The following ELP4 variants were observed in gnomAD, a reference collection of about 807,000 sequenced individuals.
ELP4 encodes the protein elongator acetyltransferase complex subunit 4.
In ELP4, 51 loss-of-function variants were observed where a neutral mutation model predicts 48.9. That is an observed-to-expected ratio of 1.04 (90% CI 0.83 to 1.32). ELP4 has a LOEUF of 1.32. Ranked by LOEUF, ELP4 falls within the 40% of genes most tolerant of loss-of-function variation. The pLI is 0.00. For synonymous variants in ELP4, 210 were observed against 189.2 expected, an observed-to-expected ratio of 1.11 and a Z score of -0.90; for missense variants, 519 against 514.6, an observed-to-expected ratio of 1.01 and a Z score of -0.08.
At chr11:31,710,588 G>A (rs897857892) in intron 9 of ELP4, among the ~76,000 whole-genome samples, 7 of 150,444 alleles carry the variant, frequency 4.7e-5, no homozygotes, top group Non-Finnish European at 8.8e-5. Flanking sequence ...TCGTGCCACT[G>A]CACTCTGGCC....
At position 31,788,615 on chromosome 11, in the gene ELP4, A is replaced by C. The variant is rs940334280; in HGVS notation, c.*5091A>C. ...TGAAAATGCCAGTCCTAATTCAAAAAACAATTCCTAGCTAATCGCTTGTTG... is the reference window on the plus strand; with the variant it reads ...TGAAAATGCCAGTCCTAATTCAAAACACAATTCCTAGCTAATCGCTTGTTG... On this transcript the variant is annotated 3_prime_UTR_variant, in exon 10 of 10. Coordinates refer to ENST00000640961, the MANE Select transcript of ELP4 (RefSeq NM_019040.5). 4.5e-6 allele frequency: 1 copy of C among 219,918 alleles called. No individual in the cohort carries two copies. Among genetic ancestry groups the C allele is most frequent in the South Asian group, 1.8e-4 (1 of 5,406 alleles). 13.6% of individuals were successfully genotyped at this position (219,918 alleles called of 1,614,324 possible).
intron 3 of ELP4, among the ~76,000 whole-genome samples, chr11:31,569,525 T>G (rs147885404): frequency 0.038 from 5,744 of 151,932 alleles, 171 homozygotes; most frequent in Non-Finnish European, 0.061. Context: ...CCGAGGTGAG[T>G]GGATTACCTG....
chr11:31,525,093 A>G (rs1207519613), intron 2 of ELP4, among the ~76,000 whole-genome samples: 2 of 152,230 alleles, frequency 1.3e-5, no homozygotes, highest in African/African-American at 4.8e-5. Flanking sequence ...TCATGTGCAC[A>G]TTGTCTACAG....
intron 3 of ELP4, among the ~76,000 whole-genome samples, chr11:31,540,382 T>G (rs1238508566): frequency 6.6e-6 from 1 of 152,224 alleles, no homozygotes; most frequent in Non-Finnish European, 1.5e-5. Flanking sequence ...AATTGGCTGA[T>G]AAGAATTTTA....
At chr11:31,743,692 C>A (rs1303045818) in intron 9 of ELP4, among the ~76,000 whole-genome samples, 7 of 152,022 alleles carry the variant, frequency 4.6e-5, no homozygotes, top group African/African-American at 1.7e-4. Flanking sequence ...ATGTTCTTTG[C>A]AACCAACGAG....
At chr11:31,640,130 A>C (rs560748718) in intron 7 of ELP4, among the ~76,000 whole-genome samples, 1 of 152,094 alleles carries the variant, frequency 6.6e-6, no homozygotes, top group Admixed American at 6.6e-5. Context: ...TTCAAGCTAC[A>C]TGAATATGGT....
intron 4 of ELP4, chr11:31,599,886 G>C (rs1404150544): frequency 2.0e-5 from 3 of 152,106 alleles, no homozygotes; most frequent in Non-Finnish European, 4.4e-5. Flanking sequence ...ATATCACTGG[G>C]TTTTCTGAGA....
intron 9 of ELP4, among the ~76,000 whole-genome samples, chr11:31,781,488 CTTTTTTTTTTTTTTTTTTTT>C (rs141365629): frequency 3.0e-5 from 2 of 67,414 alleles, no homozygotes; most frequent in African/African-American, 7.0e-5. Flanking sequence ...ATTCCTGAGC[CTTTTTTTTTTTTTTTTTTTT>C]TTTTTTTTTT....
chr11:31,548,378 AT>A (rs1240674276), intron 3 of ELP4, among the ~76,000 whole-genome samples: 111 of 151,210 alleles, frequency 7.3e-4, no homozygotes, highest in Non-Finnish European at 1.2e-3. Flanking sequence ...GTGAACTCCC[AT>A]TCACAATTGC....
At chr11:31,635,694 C>A (rs1944960230) in intron 7 of ELP4, among the ~76,000 whole-genome samples, 1 of 151,948 alleles carries the variant, frequency 6.6e-6, no homozygotes, top group Non-Finnish European at 1.5e-5. Flanking sequence ...ATAACATGTA[C>A]TTAAACAGTG....
chr11:31,752,256 C>G (rs185428873), intron 9 of ELP4, among the ~76,000 whole-genome samples: 247 of 149,858 alleles, frequency 1.6e-3, no homozygotes, highest in Non-Finnish European at 3.1e-3. Context: ...CTTGATATAA[C>G]TTAGCACTTG....
chr11:31,683,686 G>A (rs772521780), intron 9 of ELP4, among the ~76,000 whole-genome samples: 4 of 152,078 alleles, frequency 2.6e-5, no homozygotes, highest in African/African-American at 4.8e-5. Context: ...CTACTGTATA[G>A]GGGGTACTAG....
chr11:31,769,522 C>T lies in ELP4; in HGVS notation c.1144-13871C>T, dbSNP rs537538399. Among the ~76,000 whole-genome samples, 3 of 152,318 alleles carry T rather than the reference C, an allele frequency of 2.0e-5. No individual in the cohort carries two copies. The South Asian group carries it at 6.2e-4, about 32-fold the overall frequency. On this transcript the variant is annotated intron_variant, in intron 9 of 9. Transcript: ENST00000640961. ...GATTTCAAAATTCTCTGATTCCTGA[C>T]TTTTCACATCTTAGAATTTCTCTAT...
At chr11:31,575,463 A>G (rs896886219) in intron 3 of ELP4, among the ~76,000 whole-genome samples, 3 of 152,194 alleles carry the variant, frequency 2.0e-5, no homozygotes, top group Non-Finnish European at 2.9e-5. Flanking sequence ...CTCCTCGAGA[A>G]GAGCAACTCC....
chr11:31,600,853 G>A (rs1957768222), intron 4 of ELP4, among the ~76,000 whole-genome samples: 2 of 151,954 alleles, frequency 1.3e-5, no homozygotes, highest in African/African-American at 4.8e-5. Flanking sequence ...TGAAAGTTTT[G>A]TTTCTTTGTA....
chr11:31,781,127 C>T (rs563616936), intron 9 of ELP4, among the ~76,000 whole-genome samples: 1 of 152,306 alleles, frequency 6.6e-6, no homozygotes, highest in East Asian at 1.9e-4. Context: ...ACTCTATTGA[C>T]ATAAGCTTTC....
intron 3 of ELP4, among the ~76,000 whole-genome samples, chr11:31,548,640 A>C (rs1407298770): frequency 2.0e-5 from 3 of 152,188 alleles, no homozygotes; most frequent in Admixed American, 6.5e-5. Flanking sequence ...AACTACTTTA[A>C]AGTTCATATG....
chr11:31,611,934 G>A (rs1199704035), intron 5 of ELP4, among the ~76,000 whole-genome samples: 1 of 152,178 alleles, frequency 6.6e-6, no homozygotes, highest in East Asian at 1.9e-4. Context: ...TTTTAGCTGA[G>A]ACCCAACTGA....
intron 9 of ELP4, among the ~76,000 whole-genome samples, chr11:31,778,554 GATAA>G (rs887410077): frequency 6.6e-6 from 1 of 152,184 alleles, no homozygotes; most frequent in Non-Finnish European, 1.5e-5. Flanking sequence ...AGCAAGAAGA[GATAA>G]ATAAATTAGT....
Sources: allele counts gnomAD v4.1 joint callset (sites outside exome capture counted in the v4.1 genomes callset), GRCh38; gene constraint gnomAD v4.1.1; transcripts MANE v1.5; gene names NCBI Gene and HGNC (gene_info 2026-07-23, HGNC 2026-07-21).